CCDC27: variants seen among roughly 807,000 people sequenced by gnomAD.
CCDC27 encodes coiled-coil domain containing 27, also known as coiled-coil domain-containing protein 27.
Under a neutral mutation model 80.3 loss-of-function variants are expected in CCDC27, and 80 were observed. The ratio of observed to expected loss-of-function variants is 1.00; its 90% CI spans 0.83 to 1.20. The LOEUF is 1.20. CCDC27 is among the 50% of genes most tolerant of loss of function. CCDC27 has a pLI of 0.00. For missense variants in CCDC27, 815 were observed against 809.4 expected (o/e 1.01, Z -0.08); for synonymous variants, 342 against 334.3 (o/e 1.02, Z -0.25).
chr1:3,765,174 C>T (rs1355010118), intron 8 of CCDC27, among the ~76,000 whole-genome samples: 1 of 152,176 alleles, frequency 6.6e-6, no homozygotes, highest in Non-Finnish European at 1.5e-5. Context: ...TTCAGCATCA[C>T]AGAGGCCTTC....
rs753267934 is a variant in CCDC27 at position 3,763,400 on chromosome 1, A to G, written c.1247A>G (p.Glu416Gly). ...GAGGAGGAGCTGCTGGCCCAGCTGGAGGAGTACGAGCAGGTCATCCTGGAC... is the reference window on the plus strand; with the variant it reads ...GAGGAGGAGCTGCTGGCCCAGCTGGGGGAGTACGAGCAGGTCATCCTGGAC... ...SFEEELLAQLEEYEQVILDFQ... is the reference protein window; with the variant it reads ...SFEEELLAQLGEYEQVILDFQ... Residue 416 changes from glutamate (E) to glycine (G), a missense_variant, in exon 7 of 12, where the codon GAG becomes GGG. Transcript: ENST00000294600. This position sits in a 1 kb window ranked among gnomAD's most constrained non-coding sequence, Gnocchi z 7.5. 4.2e-5 allele frequency: 67 copies of G among 1,612,626 alleles called. 2 individuals are homozygous for G. The South Asian group carries it at 7.1e-4, about 17-fold the overall frequency.
At chr1:3,765,354 C>T (rs1261195559) in intron 8 of CCDC27, among the ~76,000 whole-genome samples, 2 of 152,178 alleles carry the variant, frequency 1.3e-5, no homozygotes. Flanking sequence ...TTGTATTGGG[C>T]ACTCAGTGGC....
chr1:3,767,147 T>C (rs1643245547), intron 9 of CCDC27, 86 bp from the exon 10 acceptor site: 1 of 1,299,442 alleles, frequency 7.7e-7, no homozygotes. Flanking sequence ...CCGCCGGCCA[T>C]CTTTTAGGAA....
In CCDC27 at chr1:3,760,541, C is replaced by T. The variant is rs1643060598; in HGVS notation, c.712-740C>T. 6.6e-6 allele frequency among the ~76,000 whole-genome samples: 1 copy of T among 152,166 alleles called. No homozygotes were observed. The highest frequency in any genetic ancestry group is 1.5e-5 in the Non-Finnish European group (1 of 68,040). ...CCATTAATCACAACTTTAACTGCGT[C>T]CCACGAGCTTTGATGTGTCCGGATG... On this transcript the variant is annotated intron_variant, in intron 4 of 11. Transcript: ENST00000294600. The surrounding 1 kb of genome is among the most constrained non-coding windows in gnomAD (Gnocchi z 4.3).
At chr1:3,764,624 C>A (rs1283310051) in intron 8 of CCDC27, among the ~76,000 whole-genome samples, 2 of 152,182 alleles carry the variant, frequency 1.3e-5, no homozygotes, top group Non-Finnish European at 2.9e-5. Context: ...ATAAGTTTTA[C>A]AGAACAGTAC....
Position 3,756,561 on chromosome 1 carries a change from A to C in CCDC27, c.554-172A>C, listed in dbSNP as rs927405988. The C allele has an allele frequency of 2.3e-5, 15 of 657,716 alleles. No homozygotes were observed. The African/African-American group carries it at 2.5e-4, about 11-fold the overall frequency. 40.7% of individuals were successfully genotyped at this position (657,716 alleles called of 1,614,324 possible). On this transcript the variant is annotated intron_variant, in intron 3 of 11. Transcript: ENST00000294600. ...CCCATCGTGTTCACAGCAGCACCAC[A>C]CTGTGTCCTCAAAATGAGGGTGACA...
intron 2 of CCDC27, 52 bp from the exon 3 acceptor site, chr1:3,755,405 T>C: frequency 6.9e-7 from 1 of 1,458,296 alleles, no homozygotes; most frequent in Non-Finnish European, 9.6e-7. Flanking sequence ...CTGGAGATCT[T>C]GGGGAGACAA....
In CCDC27 at chr1:3,763,988, G is replaced by A. The variant is rs1257372093; in HGVS notation, c.1452+152G>A. ...CAGGCAGCTGGCCCAGGGTTGTGCG[G>A]CTGATAGCGGCCCCGCTAGGATTCC... On this transcript the variant is annotated intron_variant, in intron 8 of 11. Coordinates refer to ENST00000294600, the MANE Select transcript of CCDC27 (RefSeq NM_152492.3). The surrounding 1 kb of genome is among the most constrained non-coding windows in gnomAD (Gnocchi z 7.5). The A allele has an allele frequency of 3.0e-6, 4 of 1,318,712 alleles. No individual in the cohort carries two copies. The African/African-American group carries it at 4.5e-5, about 15-fold the overall frequency. The allele number at this position is 1,318,712 out of a possible 1,614,324, so 81.7% of individuals were successfully genotyped here.
intron 10 of CCDC27, among the ~76,000 whole-genome samples, chr1:3,767,725 G>A (rs991300238): frequency 6.6e-6 from 1 of 152,248 alleles, no homozygotes; most frequent in East Asian, 1.9e-4. Context: ...CATTGTGAAG[G>A]GGTTGGATCA....
At position 3,754,228 on chromosome 1, in the gene CCDC27, C is replaced by A. The variant is rs1158567072; in HGVS notation, c.429C>A (p.Ser143=). 1 of 1,608,272 alleles carries A rather than the reference C, an allele frequency of 6.2e-7. No homozygotes were observed. Among genetic ancestry groups the A allele is most frequent in the South Asian group, 1.1e-5 (1 of 90,428 alleles). The part of the protein sequence containing the change: ...DCPQFSTRAT[S]MSHCGSPTEA... ...CCCAGTTCAGCACCAGGGCCACATC[C>A]ATGTCCCACTGTGGTAAGAGCCCCC... The change falls in exon 2 of 12, where the codon TCC becomes TCA. Residue 143 remains serine (S), a synonymous_variant. Coordinates refer to ENST00000294600, the MANE Select transcript of CCDC27 (RefSeq NM_152492.3).
chr1:3,768,507 T>A lies in CCDC27; in HGVS notation c.1743+1062T>A, dbSNP rs1047174814. ...AACTGCAACTCAACTGCGTCCTCTT[T>A]CCTGCTTGAGTCCACCTCCTTCCGG... On this transcript the variant is annotated intron_variant, in intron 10 of 11. Coordinates refer to ENST00000294600, the MANE Select transcript of CCDC27 (RefSeq NM_152492.3). The surrounding 1 kb of genome is among the most constrained non-coding windows in gnomAD (Gnocchi z 5.6). 1.3e-5 allele frequency among the ~76,000 whole-genome samples: 2 copies of A among 152,140 alleles called. No homozygotes were observed. Among genetic ancestry groups the A allele is most frequent in the African/African-American group, 4.8e-5 (2 of 41,426 alleles).
chr1:3,763,073 A>C lies in CCDC27; in HGVS notation c.955-35A>C. 1 of 1,454,528 alleles carries C rather than the reference A, an allele frequency of 6.9e-7. No homozygotes were observed. The highest frequency in any genetic ancestry group is 9.1e-7 in the Non-Finnish European group (1 of 1,102,106). The allele number at this position is 1,454,528 out of a possible 1,614,324, so 90.1% of individuals were successfully genotyped here. A position where few individuals can be genotyped will look rare whatever the true frequency, so the allele number is the denominator to read the frequency against. Reference sequence around the variant, plus strand: ...GCCCTCTGCCCTGGGGGTGCCCCGCAGCCCTGCCCAGCCCCTGCCCTACCC... The same window carrying C: ...GCCCTCTGCCCTGGGGGTGCCCCGCCGCCCTGCCCAGCCCCTGCCCTACCC... On this transcript the variant is annotated intron_variant, in intron 6 of 11. Coordinates refer to ENST00000294600, the MANE Select transcript of CCDC27 (RefSeq NM_152492.3). This position sits in a 1 kb window ranked among gnomAD's most constrained non-coding sequence, Gnocchi z 7.5.
At position 3,761,198 on chromosome 1, in the gene CCDC27, C is replaced by A; in HGVS notation, c.712-83C>A. ...GGGGTACCACGACAGCAGATCTGCT[C>A]CTCCTGGGTGGGCTGGAGGCAGGTC... On this transcript the variant is annotated intron_variant, in intron 4 of 11. Transcript: ENST00000294600. This position sits in a 1 kb window ranked among gnomAD's most constrained non-coding sequence, Gnocchi z 5.0. 1 of 1,531,588 alleles carries A rather than the reference C, an allele frequency of 6.5e-7. No individual in the cohort carries two copies. The highest frequency in any genetic ancestry group is 1.2e-5 in the South Asian group (1 of 80,442). The allele number at this position is 1,531,588 out of a possible 1,614,324, so 94.9% of individuals were successfully genotyped here. A position where few individuals can be genotyped will look rare whatever the true frequency, so the allele number is the denominator to read the frequency against.
Position 3,761,570 on chromosome 1 carries a change from C to T in CCDC27, c.861+140C>T, listed in dbSNP as rs75302785. On this transcript the variant is annotated intron_variant, in intron 5 of 11. Coordinates refer to ENST00000294600, the MANE Select transcript of CCDC27 (RefSeq NM_152492.3). This position sits in a 1 kb window ranked among gnomAD's most constrained non-coding sequence, Gnocchi z 5.0. ...ATCAGGTCCTCACTGGAACGTGGAC[C>T]GGTTCTCAGGGTTCTGATCAACAGG... is the stretch of plus-strand genomic sequence containing the variant. 2.8e-3 allele frequency: 2,715 copies of T among 985,802 alleles called. 51 individuals carry two copies. The African/African-American group carries it at 0.041, about 15-fold the overall frequency. 61.1% of individuals were successfully genotyped at this position (985,802 alleles called of 1,614,324 possible).
chr1:3,764,491 G>A (rs565745082), intron 8 of CCDC27, among the ~76,000 whole-genome samples: 14 of 150,410 alleles, frequency 9.3e-5, no homozygotes, highest in South Asian at 4.2e-4. Flanking sequence ...CCTTGCCACC[G>A]CCCCCCAACA....
chr1:3,759,218 A>G (rs1298950589), intron 4 of CCDC27, among the ~76,000 whole-genome samples: 1 of 149,358 alleles, frequency 6.7e-6, no homozygotes, highest in Non-Finnish European at 1.5e-5. Flanking sequence ...CTTTGTCTCA[A>G]AAAAAAAAAA....
rs371944543 is a variant in CCDC27, at chr1:3,752,488, G to A, written c.7G>A (p.Glu3Lys). 2.0e-3 allele frequency: 3,259 copies of A among 1,613,594 alleles called. 78 individuals are homozygous for A. In the South Asian group the frequency reaches 0.032, roughly 16 times the overall value. ...TGCACCAGCCAGCAGGTTCATGTTC[G>A]AGGCCATCTTCCCCTCCACACCCCA... MF[E>K]AIFPSTPQAR... is the part of the protein sequence containing the mutation. Residue 3 changes from glutamate (E) to lysine (K), a missense_variant, in exon 1 of 12, where the codon GAG (glutamate) becomes AAG (lysine). Physicochemically the swap from Glu to Lys is moderately conservative, Grantham distance 56 (BLOSUM62 1). Transcript: ENST00000294600.
At chr1:3,771,274 A>G in intron 11 of CCDC27, 127 bp from the exon 12 acceptor site, 1 of 1,174,710 alleles carries the variant, frequency 8.5e-7, no homozygotes, top group Non-Finnish European at 1.2e-6. Context: ...CCCCTGCTGC[A>G]GCAAGCCTCT....
chr1:3,764,801 T>C (rs1643189066), intron 8 of CCDC27, among the ~76,000 whole-genome samples: 1 of 152,144 alleles, frequency 6.6e-6, no homozygotes, highest in Non-Finnish European at 1.5e-5. Flanking sequence ...TTTGGGAGGC[T>C]GAGGCAGGTG....
Sources: allele counts gnomAD v4.1 joint callset (sites outside exome capture counted in the v4.1 genomes callset), GRCh38; gene constraint gnomAD v4.1.1; non-coding constraint Gnocchi (gnomAD v3.1); transcripts MANE v1.5; gene names NCBI Gene and HGNC (gene_info 2026-07-23, HGNC 2026-07-21).